The following SPAG16 variants were observed in gnomAD, a reference collection of about 807,000 sequenced individuals.
The protein encoded by SPAG16 is sperm associated antigen 16.
In SPAG16, 86 loss-of-function variants were observed where a neutral mutation model predicts 80.4. The observed-to-expected ratio is 1.07, with a 90% CI of 0.90 to 1.28. SPAG16 has a LOEUF of 1.28. Ranked by LOEUF, SPAG16 falls within the 50% of genes most tolerant of loss-of-function variation. SPAG16 has a pLI of 0.00. For synonymous variants in SPAG16, 294 were observed against 265.9 expected (o/e 1.11, Z -1.03); for missense variants, 870 against 765.3 (o/e 1.14, Z -1.61).
chr2:214,061,277 G>T (rs1010574853), intron 13 of SPAG16, among the ~76,000 whole-genome samples: 5 of 152,174 alleles, frequency 3.3e-5, no homozygotes, highest in African/African-American at 1.2e-4. Context: ...GGAATTATGC[G>T]TGTTATAACC....
chr2:214,027,872 C>A (rs1206371433), intron 13 of SPAG16, among the ~76,000 whole-genome samples: 2 of 151,834 alleles, frequency 1.3e-5, no homozygotes, highest in African/African-American at 4.8e-5. Flanking sequence ...ACTAGTTGAA[C>A]ATTTTTTCTG....
chr2:213,340,302 A>G, intron 6 of SPAG16, 32 bp downstream of exon 6: 2 of 1,384,238 alleles, frequency 1.4e-6, no homozygotes, highest in Non-Finnish European at 2.0e-6. Context: ...TATTTATTAA[A>G]GAGTTATTTA....
rs116876794 is a variant in SPAG16 at position 214,131,983 on chromosome 2, T to C, written c.1594-17157T>C. On this transcript the variant is annotated intron_variant, in intron 14 of 15. Transcript: ENST00000331683. Reference sequence around the variant, plus strand: ...ATGTAGGTTCACCAATTGTAACAAGTGTACCACTCTGGTGGCAGATATTGC... The same window carrying C: ...ATGTAGGTTCACCAATTGTAACAAGCGTACCACTCTGGTGGCAGATATTGC... 2.2e-3 allele frequency among the ~76,000 whole-genome samples: 329 copies of C among 152,242 alleles called. 10 individuals carry two copies. In the East Asian group the frequency reaches 0.05, roughly 23 times the overall value.
intron 15 of SPAG16, among the ~76,000 whole-genome samples, chr2:214,358,388 T>G (rs1247364218): frequency 6.6e-6 from 1 of 151,910 alleles, no homozygotes; most frequent in African/African-American, 2.4e-5. Context: ...TCTTTAGAAA[T>G]TTTGCTTATT....
intron 9 of SPAG16, among the ~76,000 whole-genome samples, chr2:213,488,718 G>A (rs1039326329): frequency 1.3e-5 from 2 of 152,074 alleles, no homozygotes; most frequent in Non-Finnish European, 2.9e-5. Flanking sequence ...GAGCTTTTAA[G>A]TTTTTGCAGA....
chr2:213,597,576 A>G (rs1392302625), intron 10 of SPAG16, among the ~76,000 whole-genome samples: 2 of 152,152 alleles, frequency 1.3e-5, no homozygotes, highest in Non-Finnish European at 2.9e-5. Flanking sequence ...ATCTTGCTAT[A>G]TTATAATTTC....
intron 9 of SPAG16, among the ~76,000 whole-genome samples, chr2:213,448,843 A>C (rs2071511756): frequency 6.6e-6 from 1 of 152,200 alleles, no homozygotes; most frequent in Non-Finnish European, 1.5e-5. Flanking sequence ...TGATTGTAAA[A>C]CATGTGAGTT....
intron 15 of SPAG16, among the ~76,000 whole-genome samples, chr2:214,355,279 A>G (rs1303407906): frequency 1.5e-5 from 2 of 135,692 alleles, no homozygotes; most frequent in Non-Finnish European, 3.3e-5. Flanking sequence ...TCATCTGACA[A>G]AGGGCTAATA....
chr2:214,101,080 T>C (rs1420574542), intron 13 of SPAG16, among the ~76,000 whole-genome samples: 2 of 149,380 alleles, frequency 1.3e-5, no homozygotes, highest in African/African-American at 5.0e-5. Flanking sequence ...TGATTTAATT[T>C]TGGCCTAATT....
At chr2:214,008,635 C>T (rs973193054) in intron 12 of SPAG16, among the ~76,000 whole-genome samples, 14 of 152,038 alleles carry the variant, frequency 9.2e-5, no homozygotes, top group Middle Eastern at 6.8e-3. Context: ...GCCCCAGCTA[C>T]TCCAGAGGCT....
intron 10 of SPAG16, among the ~76,000 whole-genome samples, chr2:213,727,988 A>G (rs1478924858): frequency 6.6e-6 from 1 of 151,906 alleles, no homozygotes; most frequent in African/African-American, 2.4e-5. Context: ...AGCTGGGATT[A>G]CAGGCACCCG....
chr2:214,398,170 G>A (rs1701504141), intron 15 of SPAG16, among the ~76,000 whole-genome samples: 1 of 152,142 alleles, frequency 6.6e-6, no homozygotes, highest in Admixed American at 6.5e-5. Context: ...GCTGGAATCA[G>A]AATATAGAGA....
intron 12 of SPAG16, among the ~76,000 whole-genome samples, chr2:213,992,998 C>A (rs930883458): frequency 6.6e-6 from 1 of 152,128 alleles, no homozygotes; most frequent in Non-Finnish European, 1.5e-5. Flanking sequence ...ATACTTCAAG[C>A]AAAACTAACA....
chr2:214,067,615 G>C (rs2050591993), intron 13 of SPAG16, among the ~76,000 whole-genome samples: 1 of 151,676 alleles, frequency 6.6e-6, no homozygotes, highest in Non-Finnish European at 1.5e-5. Flanking sequence ...TAGGCATATG[G>C]GTATGTGTAT....
intron 6 of SPAG16, among the ~76,000 whole-genome samples, chr2:213,342,316 G>A (rs183696658): frequency 0.016 from 2,003 of 123,700 alleles, 26 homozygotes; most frequent in Middle Eastern, 0.048. Context: ...GTATATATAT[G>A]TTACATATAT....
intron 10 of SPAG16, among the ~76,000 whole-genome samples, chr2:213,709,166 T>C (rs1012420354): frequency 3.3e-5 from 5 of 152,190 alleles, no homozygotes; most frequent in Non-Finnish European, 7.3e-5. Flanking sequence ...TTAATAACCA[T>C]GGTAGTTCAT....
intron 10 of SPAG16, among the ~76,000 whole-genome samples, chr2:213,669,773 T>A (rs2063747925): frequency 6.6e-6 from 1 of 152,202 alleles, no homozygotes; most frequent in Non-Finnish European, 1.5e-5. Flanking sequence ...AGTATTGTTC[T>A]CTGGTAAATA....
rs140486156 is a variant in SPAG16, at chr2:213,513,623, A to G, written c.1070+23533A>G. On this transcript the variant is annotated intron_variant, in intron 10 of 15. Transcript: ENST00000331683. ...GAAAACAGAATGGGATGGGAGTTTT[A>G]TGGCCAGCCCTGGGAGTGTTATACA... 2.0e-4 allele frequency among the ~76,000 whole-genome samples: 31 copies of G among 152,302 alleles called. No individual in the cohort carries two copies. The East Asian group carries it at 6.0e-3, about 29-fold the overall frequency.
chr2:213,965,176 A>AT (rs1232258089), intron 12 of SPAG16, among the ~76,000 whole-genome samples: 1 of 152,190 alleles, frequency 6.6e-6, no homozygotes, highest in East Asian at 1.9e-4. Context: ...TGAGCAGACA[A>AT]TGGCAGCTTT....
Sources: allele counts gnomAD v4.1 joint callset (sites outside exome capture counted in the v4.1 genomes callset), GRCh38; gene constraint gnomAD v4.1.1; transcripts MANE v1.5; gene names NCBI Gene and HGNC (gene_info 2026-07-23, HGNC 2026-07-21).